POSTN: variants seen among roughly 807,000 people sequenced by gnomAD.
The protein encoded by POSTN is periostin.
A neutral mutation model predicts 104.5 loss-of-function variants in POSTN; 71 were observed. That is an observed-to-expected ratio of 0.68 (90% CI 0.56 to 0.83). POSTN has a LOEUF of 0.83. POSTN is among the 40% of genes least tolerant of loss of function. POSTN has a pLI of 0.00. For synonymous variants in POSTN, 355 were observed against 340.7 expected (o/e 1.04, Z -0.46); for missense variants, 949 against 1,006.8 (o/e 0.94, Z 0.78).
chr13:37,577,921 G>A, intron 15 of POSTN, 123 bp from the exon 16 acceptor site: 1 of 1,453,568 alleles, frequency 6.9e-7, no homozygotes, highest in Non-Finnish European at 9.1e-7. Context: ...TAATAGAAGT[G>A]AAGTCCTCAT....
Position 37,582,466 on chromosome 13 carries a change from T to C in POSTN, c.1292A>G (p.Asn431Ser), listed in dbSNP as rs1950621574. 1 of 1,613,308 alleles carries C rather than the reference T, an allele frequency of 6.2e-7. No individual in the cohort carries two copies. The highest frequency in any genetic ancestry group is 1.7e-5 in the Admixed American group (1 of 59,920). ...DQRLLKLILQ[N>S]HILKVKVGLN... ...GCCAACTTTTACTTTCAATATGTGA[T>C]TCTGCAGAATTAATTTAAGGAGGCG... Residue 431 changes from asparagine to serine, a missense_variant, in exon 10 of 23, where the codon AAT (asparagine) becomes AGT (serine). Coordinates refer to ENST00000379747, the MANE Select transcript of POSTN (RefSeq NM_006475.3).
intron 9 of POSTN, among the ~76,000 whole-genome samples, chr13:37,583,024 G>C (rs1020184829): frequency 1.3e-5 from 2 of 152,074 alleles, no homozygotes; most frequent in Non-Finnish European, 2.9e-5. Context: ...TTGATTAATA[G>C]TTTTTATATC....
chr13:37,597,177 G>T lies in POSTN; in HGVS notation c.218+7C>A. The T allele has an allele frequency of 6.6e-7, 1 of 1,523,076 alleles. No homozygotes were observed. Among genetic ancestry groups the T allele is most frequent in the East Asian group, 2.4e-5 (1 of 41,324 alleles). The allele number at this position is 1,523,076 out of a possible 1,614,324, so 94.3% of individuals were successfully genotyped here. A position where few individuals can be genotyped will look rare whatever the true frequency, so the allele number is the denominator to read the frequency against. ...CTGACATATTATGAAAAAAAAAAGA[G>T]ACTTACGTTTTCTGTCCACAGATGG... On this transcript the variant is annotated splice_region_variant and intron_variant, in intron 2 of 22. Coordinates refer to ENST00000379747, the MANE Select transcript of POSTN (RefSeq NM_006475.3).
At chr13:37,569,144 T>G (rs2138168519) in intron 21 of POSTN, 156 bp downstream of exon 21, 1 of 531,924 alleles carries the variant, frequency 1.9e-6, no homozygotes, top group South Asian at 2.9e-5. Flanking sequence ...AACTATTAAC[T>G]ACCATTGAAC....
At chr13:37,564,050 A>G (rs967931282) in intron 22 of POSTN, among the ~76,000 whole-genome samples, 1 of 150,980 alleles carries the variant, frequency 6.6e-6, no homozygotes, top group Non-Finnish European at 1.5e-5. Context: ...ATTGTCTCAC[A>G]TAATAACATT....
intron 18 of POSTN, chr13:37,570,950 C>A (rs951129321): frequency 3.0e-6 from 1 of 337,324 alleles, no homozygotes. Flanking sequence ...TAGTGAGAAT[C>A]CAGGGAGTTC....
chr13:37,576,089 G>A (rs2138229335), intron 16 of POSTN, among the ~76,000 whole-genome samples: 1 of 152,094 alleles, frequency 6.6e-6, no homozygotes, highest in Non-Finnish European at 1.5e-5. Context: ...AAGCTCTGAG[G>A]ATTAAATATT....
intron 7 of POSTN, among the ~76,000 whole-genome samples, chr13:37,585,473 T>C (rs944713400): frequency 6.6e-6 from 1 of 152,160 alleles, no homozygotes; most frequent in Non-Finnish European, 1.5e-5. Flanking sequence ...GTATATAACA[T>C]GTAATGAGGT....
rs554877341 is a variant in POSTN at position 37,581,506 on chromosome 13, G to A, written c.1393-809C>T. Among the ~76,000 whole-genome samples the A allele has an allele frequency of 8.4e-4, 128 of 152,312 alleles. 1 individual carries two copies. The highest frequency in any genetic ancestry group is 2.9e-3 in the African/African-American group (122 of 41,582). ...AGGCCAAAGTAGGAGGTTCACTGGA[G>A]GCTGAAAGTTTGAGACCAGCCTGGG... On this transcript the variant is annotated intron_variant, in intron 10 of 22. Coordinates refer to ENST00000379747, the MANE Select transcript of POSTN (RefSeq NM_006475.3).
intron 21 of POSTN, 22 bp from the exon 22 acceptor site, chr13:37,564,582 T>A: frequency 6.5e-7 from 1 of 1,527,768 alleles, no homozygotes; most frequent in Non-Finnish European, 9.1e-7. Context: ...TTGTTGTAGT[T>A]AGAAATACTT....
chr13:37,598,044 T>C (rs1951133316), intron 1 of POSTN, among the ~76,000 whole-genome samples: 1 of 152,184 alleles, frequency 6.6e-6, no homozygotes, highest in African/African-American at 2.4e-5. Context: ...TAAAAATGCT[T>C]AGTTGTAGTT....
intron 7 of POSTN, 54 bp downstream of exon 7, chr13:37,586,085 T>A: frequency 6.6e-7 from 1 of 1,513,296 alleles, no homozygotes; most frequent in Non-Finnish European, 8.9e-7. Flanking sequence ...GCCTCTTTTT[T>A]ATTCCCTTCT....
At chr13:37,566,749 G>A (rs927249054) in intron 21 of POSTN, among the ~76,000 whole-genome samples, 3 of 152,068 alleles carry the variant, frequency 2.0e-5, no homozygotes, top group African/African-American at 7.2e-5. Context: ...TTAATTGCTT[G>A]AGTCGTTTCA....
rs561514932 is a variant in POSTN, at chr13:37,582,816, A to G, written c.1244-302T>C. 8.9e-4 allele frequency among the ~76,000 whole-genome samples: 135 copies of G among 152,274 alleles called. 1 individual carries two copies. The highest frequency in any genetic ancestry group is 3.2e-3 in the African/African-American group (132 of 41,556). ...GGTCACTGGCAAATGCTAAACCTTAATGGTGGCCAAGGCTTTGTCTGATAA... is the reference window on the plus strand; with the variant it reads ...GGTCACTGGCAAATGCTAAACCTTAGTGGTGGCCAAGGCTTTGTCTGATAA... On this transcript the variant is annotated intron_variant, in intron 9 of 22. Coordinates refer to ENST00000379747, the MANE Select transcript of POSTN (RefSeq NM_006475.3).
chr13:37,594,823 A>T (rs962440776), intron 2 of POSTN, among the ~76,000 whole-genome samples: 2 of 152,168 alleles, frequency 1.3e-5, no homozygotes, highest in African/African-American at 4.8e-5. Flanking sequence ...TATCTCTGGA[A>T]ATTTCAGCAG....
intron 1 of POSTN, among the ~76,000 whole-genome samples, chr13:37,598,382 A>G (rs1345372164): frequency 1.3e-5 from 2 of 152,182 alleles, no homozygotes; most frequent in African/African-American, 2.4e-5. Context: ...ATAACATTTC[A>G]TAAGAAAGCA....
chr13:37,574,530 G>GT, intron 17 of POSTN, 42 bp downstream of exon 17: 7 of 1,549,008 alleles, frequency 4.5e-6, no homozygotes, highest in Non-Finnish European at 6.1e-6. Flanking sequence ...TTTTACAGAT[G>GT]TTTTTACTAT....
At chr13:37,581,623 C>T (rs940188092) in intron 10 of POSTN, among the ~76,000 whole-genome samples, 3 of 151,840 alleles carry the variant, frequency 2.0e-5, no homozygotes, top group Non-Finnish European at 2.9e-5. Flanking sequence ...CTCAGAAGAC[C>T]GAGGTGGGAG....
intron 17 of POSTN, among the ~76,000 whole-genome samples, chr13:37,573,499 A>C (rs1404582026): frequency 6.6e-6 from 1 of 151,478 alleles, no homozygotes; most frequent in Non-Finnish European, 1.5e-5. Context: ...CTAGGAAATA[A>C]GTTTTTACCT....
Sources: allele counts gnomAD v4.1 joint callset (sites outside exome capture counted in the v4.1 genomes callset), GRCh38; gene constraint gnomAD v4.1.1; transcripts MANE v1.5; gene names NCBI Gene and HGNC (gene_info 2026-07-23, HGNC 2026-07-21).